Variants in RCSD1 observed in about 807,000 individuals in gnomAD.
RCSD1 encodes capZ-interacting protein.
RCSD1 carries 26 observed loss-of-function variants against 42.5 expected under a neutral mutation model. That is an observed-to-expected ratio of 0.61 (90% CI 0.45 to 0.85). The LOEUF (loss-of-function observed/expected upper bound fraction) is 0.85, where lower values mean the gene tolerates loss of function less well. Among genes scored for constraint, RCSD1 ranks in the 40% least tolerant of loss-of-function variants. The pLI is 0.00. For synonymous variants in RCSD1, 220 were observed against 212.2 expected (o/e 1.04, Z -0.32); for missense variants, 571 against 528.3 (o/e 1.08, Z -0.79).
intron 1 of RCSD1, among the ~76,000 whole-genome samples, chr1:167,657,477 G>T (rs1400164816): frequency 6.6e-6 from 1 of 152,176 alleles, no homozygotes; most frequent in Non-Finnish European, 1.5e-5. Flanking sequence ...TATGTTTAGG[G>T]CTGGCTGCAA....
intron 1 of RCSD1, among the ~76,000 whole-genome samples, chr1:167,650,683 G>A (rs1042033668): frequency 6.6e-6 from 1 of 152,194 alleles, no homozygotes; most frequent in Non-Finnish European, 1.5e-5. Context: ...TAAGCATTTT[G>A]AGTTTTAGAA....
At chr1:167,670,215 G>C (rs1292849236) in intron 1 of RCSD1, among the ~76,000 whole-genome samples, 1 of 152,186 alleles carries the variant, frequency 6.6e-6, no homozygotes, top group Non-Finnish European at 1.5e-5. Context: ...AGTCAGAGTA[G>C]TGCATAACAG....
rs901533917 is a variant in RCSD1 at position 167,646,578 on chromosome 1, A to G, written c.6+16149A>G. The stretch of plus-strand genomic sequence containing the variant: ...GGATACATGCGTGCAGGTTTGTTAC[A>G]TAGATATACATGTGCCATGGTGGTT... On this transcript the variant is annotated intron_variant, in intron 1 of 6. Transcript: ENST00000367854. Among the ~76,000 whole-genome samples the G allele has an allele frequency of 3.3e-5, 5 of 151,738 alleles. No individual in the cohort carries two copies. The South Asian group carries it at 1.0e-3, about 31-fold the overall frequency.
At chr1:167,661,704 A>G (rs1188951232) in intron 1 of RCSD1, among the ~76,000 whole-genome samples, 1 of 152,212 alleles carries the variant, frequency 6.6e-6, no homozygotes, top group East Asian at 1.9e-4. Context: ...CGATTAATAT[A>G]TATAAAATCT....
At chr1:167,703,530 T>C (rs966997247) in intron 6 of RCSD1, among the ~76,000 whole-genome samples, 2 of 152,130 alleles carry the variant, frequency 1.3e-5, no homozygotes, top group Non-Finnish European at 2.9e-5. Flanking sequence ...ATCTCTACAA[T>C]CACAACTCAT....
At chr1:167,638,557 C>T (rs889235243) in intron 1 of RCSD1, 2 of 152,362 alleles carry the variant, frequency 1.3e-5, no homozygotes, top group South Asian at 4.1e-4. Context: ...TGTGGGCTCT[C>T]GGGGAGACAA....
intron 1 of RCSD1, chr1:167,663,907 G>A (rs1427668167): frequency 6.6e-6 from 1 of 152,196 alleles, no homozygotes; most frequent in Non-Finnish European, 1.5e-5. Flanking sequence ...TATCTCATTT[G>A]GGCTTTATCA....
intron 1 of RCSD1, among the ~76,000 whole-genome samples, chr1:167,662,480 C>T (rs1226809290): frequency 1.3e-5 from 2 of 152,072 alleles, no homozygotes; most frequent in Non-Finnish European, 2.9e-5. Flanking sequence ...TTCTTCTGGC[C>T]TTGTGTCCCT....
intron 1 of RCSD1, among the ~76,000 whole-genome samples, chr1:167,632,690 A>AT (rs368080948): frequency 0.76 from 115,194 of 151,274 alleles, 44,259 homozygotes; most frequent in East Asian, 0.83. Flanking sequence ...TGCGTCTCAC[A>AT]TCCAGTAGGT....
chr1:167,666,011 C>T (rs1251152070), intron 1 of RCSD1, among the ~76,000 whole-genome samples: 1 of 152,104 alleles, frequency 6.6e-6, no homozygotes, highest in African/African-American at 2.4e-5. Flanking sequence ...GGGGTTTGGC[C>T]ATGTTTGCCA....
chr1:167,688,886 A>G (rs761464007), intron 3 of RCSD1, among the ~76,000 whole-genome samples: 1 of 152,142 alleles, frequency 6.6e-6, no homozygotes, highest in South Asian at 2.1e-4. Flanking sequence ...AACCACATGG[A>G]AGTCATCCTC....
intron 1 of RCSD1, chr1:167,638,367 T>A (rs1301380122): frequency 6.6e-6 from 1 of 152,248 alleles, no homozygotes; most frequent in Non-Finnish European, 1.5e-5. Flanking sequence ...TTAATCTTCA[T>A]AAAGTCATAT....
chr1:167,678,010 A>C (rs1014567488), intron 1 of RCSD1, among the ~76,000 whole-genome samples: 14 of 152,040 alleles, frequency 9.2e-5, no homozygotes, highest in Non-Finnish European at 1.9e-4. Context: ...TCTGAGGTTT[A>C]TTTTCCTTTC....
intron 1 of RCSD1, chr1:167,663,776 A>C (rs1658592778): frequency 6.6e-6 from 1 of 152,262 alleles, no homozygotes. Flanking sequence ...AGTGCAAGGG[A>C]GCCCACATTT....
chr1:167,703,338 C>T (rs772710263), intron 6 of RCSD1, among the ~76,000 whole-genome samples: 5 of 152,094 alleles, frequency 3.3e-5, no homozygotes, highest in Non-Finnish European at 7.3e-5. Context: ...GCATGACCAG[C>T]GCTTTGTGGG....
intron 3 of RCSD1, among the ~76,000 whole-genome samples, 178 bp from the exon 4 acceptor site, chr1:167,689,871 G>A (rs1460206457): frequency 2.6e-5 from 4 of 152,154 alleles, no homozygotes; most frequent in African/African-American, 9.7e-5. Flanking sequence ...TGGGATGAGG[G>A]AGGGAGGGGG....
chr1:167,693,044 G>C (rs1202742368), intron 4 of RCSD1, among the ~76,000 whole-genome samples: 1 of 152,210 alleles, frequency 6.6e-6, no homozygotes. Context: ...CTTGCTGAAG[G>C]CCTGAAGGTC....
chr1:167,646,001 G>A (rs1658134014), intron 1 of RCSD1, among the ~76,000 whole-genome samples: 1 of 152,164 alleles, frequency 6.6e-6, no homozygotes, highest in African/African-American at 2.4e-5. Flanking sequence ...ACCGGTGAGA[G>A]GTGGCCTTGA....
Position 167,690,188 on chromosome 1 carries a change from G to A in RCSD1, c.270+68G>A, listed in dbSNP as rs532237310. 17 of 1,488,402 alleles carry A rather than the reference G, an allele frequency of 1.1e-5. No homozygotes were observed. The Admixed American group carries it at 2.5e-4, about 22-fold the overall frequency. 92.2% of individuals were successfully genotyped at this position (1,488,402 alleles called of 1,614,324 possible). A position where few individuals can be genotyped will look rare whatever the true frequency, so the allele number is the denominator to read the frequency against. Reference sequence around the variant, plus strand: ...TCCACTTCTTATCCAAAATTTGCATGACTTTGAGGCTCATAGGGGTAGCCT... The same window carrying A: ...TCCACTTCTTATCCAAAATTTGCATAACTTTGAGGCTCATAGGGGTAGCCT... On this transcript the variant is annotated intron_variant, in intron 4 of 6. Coordinates refer to ENST00000367854, the MANE Select transcript of RCSD1 (RefSeq NM_052862.4).
Sources: allele counts gnomAD v4.1 joint callset (sites outside exome capture counted in the v4.1 genomes callset), GRCh38; gene constraint gnomAD v4.1.1; transcripts MANE v1.5; gene names NCBI Gene and HGNC (gene_info 2026-07-23, HGNC 2026-07-21).